The following HSD17B12 variants were observed in gnomAD, a reference collection of about 807,000 sequenced individuals.
HSD17B12 encodes hydroxysteroid 17-beta dehydrogenase 12, also known as very-long-chain 3-oxoacyl-CoA reductase.
Under a neutral mutation model 39.3 loss-of-function variants are expected in HSD17B12, and 32 were observed. The ratio of observed to expected loss-of-function variants is 0.81; its 90% CI spans 0.61 to 1.09. HSD17B12 has a LOEUF of 1.09. Ranked by LOEUF, HSD17B12 falls within the 50% of genes least tolerant of loss-of-function variation. HSD17B12 has a pLI of 0.00. For synonymous variants in HSD17B12, 150 were observed against 146.7 expected, an observed-to-expected ratio of 1.02 and a Z score of -0.16; for missense variants, 342 against 382.9, an observed-to-expected ratio of 0.89 and a Z score of 0.89.
intron 1 of HSD17B12, among the ~76,000 whole-genome samples, chr11:43,685,049 GA>G (rs1177985351): frequency 1.2e-4 from 19 of 152,100 alleles, no homozygotes; most frequent in Non-Finnish European, 2.2e-4. Context: ...TTGTATTGCT[GA>G]ATAATATTCT....
the HSD17B12 span, among the ~76,000 whole-genome samples, chr11:43,649,850 A>T: frequency 1.6e-4 from 24 of 152,232 alleles, no homozygotes; most frequent in Non-Finnish European, 3.4e-4. Context: ...TTAGAAATGT[A>T]ATCACCCTGA....
At chr11:43,761,952 A>T (rs1565078616) in intron 3 of HSD17B12, among the ~76,000 whole-genome samples, 1 of 152,194 alleles carries the variant, frequency 6.6e-6, no homozygotes, top group Non-Finnish European at 1.5e-5. Context: ...AGGGAGTGGC[A>T]TGGTAACTTT....
chr11:43,565,894 A>T, the HSD17B12 span, among the ~76,000 whole-genome samples: 1 of 152,240 alleles, frequency 6.6e-6, no homozygotes, highest in African/African-American at 2.4e-5. Context: ...TGCTTCTTCC[A>T]TCGGTCCTGA....
intron 1 of HSD17B12, among the ~76,000 whole-genome samples, chr11:43,742,884 T>C (rs1359972844): frequency 6.6e-6 from 1 of 152,180 alleles, no homozygotes; most frequent in Non-Finnish European, 1.5e-5. Flanking sequence ...TTGAGAAGTA[T>C]GAGAAAATGG....
Position 43,734,892 on chromosome 11 carries a change from C to T in HSD17B12, c.161-16019C>T, listed in dbSNP as rs147762475. ...CTAGTTTCAAGGTATTTCTACCACC[C>T]CAAAAGGAAACACCATACCCACTAA... On this transcript the variant is annotated intron_variant, in intron 1 of 10. Transcript: ENST00000278353. 1.7e-3 allele frequency among the ~76,000 whole-genome samples: 257 copies of T among 152,276 alleles called. 1 individual carries two copies. Among genetic ancestry groups the T allele is most frequent in the Middle Eastern group, 6.8e-3 (2 of 294 alleles).
chr11:43,771,853 C>G (rs1950653739), intron 3 of HSD17B12, among the ~76,000 whole-genome samples: 1 of 152,112 alleles, frequency 6.6e-6, no homozygotes, highest in Non-Finnish European at 1.5e-5. Flanking sequence ...GTACATTTCT[C>G]AAGATCATAT....
chr11:43,798,543 C>T, intron 4 of HSD17B12, 116 bp downstream of exon 4: 1 of 620,700 alleles, frequency 1.6e-6, no homozygotes, highest in Non-Finnish European at 2.8e-6. Flanking sequence ...TTACGTAAGA[C>T]ATTATCAGTG....
intron 4 of HSD17B12, among the ~76,000 whole-genome samples, chr11:43,799,911 A>C (rs1169684464): frequency 6.6e-6 from 1 of 152,082 alleles, no homozygotes; most frequent in Non-Finnish European, 1.5e-5. Flanking sequence ...ATCACACATC[A>C]CCATGCCCCA....
chr11:43,849,261 C>T lies in HSD17B12; in HGVS notation c.685-5454C>T, dbSNP rs1186948580. 3.9e-5 allele frequency among the ~76,000 whole-genome samples: 6 copies of T among 152,238 alleles called. No individual in the cohort carries two copies. In the East Asian group the frequency reaches 5.8e-4, roughly 15 times the overall value. On this transcript the variant is annotated intron_variant, in intron 9 of 10. Coordinates refer to ENST00000278353, the MANE Select transcript of HSD17B12 (RefSeq NM_016142.3). ...TGGAGGTTGCAGTGAGCTGAGATCG[C>T]ACCACTGCACTCCAGCCTGGGTGAC...
chr11:43,648,658 T>C, the HSD17B12 span, among the ~76,000 whole-genome samples: 1 of 152,238 alleles, frequency 6.6e-6, no homozygotes, highest in Non-Finnish European at 1.5e-5. Context: ...AAAAATTTTT[T>C]TTATTTAGTA....
In HSD17B12 at chr11:43,824,263, G is replaced by C. The variant is rs118162759; in HGVS notation, c.502-6713G>C. Among the ~76,000 whole-genome samples, 591 of 152,172 alleles carry C rather than the reference G, an allele frequency of 3.9e-3. 6 individuals are homozygous for C. The East Asian group carries it at 0.044, about 11-fold the overall frequency. ...CTGACCTTTCAGGCACTTGAGTTTG[G>C]GTTCTTCTGTTCCAGGTGACTCCAA... On this transcript the variant is annotated intron_variant, in intron 6 of 10. Transcript: ENST00000278353.
chr11:43,631,211 T>G, the HSD17B12 span, among the ~76,000 whole-genome samples: 2 of 152,316 alleles, frequency 1.3e-5, no homozygotes, highest in South Asian at 2.1e-4. Context: ...GTTGGTGCAT[T>G]CAGAAAACAG....
the HSD17B12 span, among the ~76,000 whole-genome samples, chr11:43,560,655 C>A: frequency 6.6e-6 from 1 of 152,244 alleles, no homozygotes; most frequent in East Asian, 1.9e-4. Flanking sequence ...GGGACAGGAA[C>A]GATGGATGGG....
intron 3 of HSD17B12, among the ~76,000 whole-genome samples, chr11:43,775,834 C>A (rs1444326258): frequency 6.7e-6 from 1 of 150,096 alleles, no homozygotes; most frequent in Non-Finnish European, 1.5e-5. Flanking sequence ...GTTCAATTCC[C>A]ACCTATGAGT....
chr11:43,715,654 A>C (rs970302342), intron 1 of HSD17B12, among the ~76,000 whole-genome samples: 8 of 152,058 alleles, frequency 5.3e-5, no homozygotes, highest in Non-Finnish European at 1.0e-4. Context: ...TGAGTTAGGG[A>C]GGATTTCCTC....
intron 3 of HSD17B12, among the ~76,000 whole-genome samples, chr11:43,793,670 T>C (rs1161376741): frequency 4.6e-5 from 7 of 152,200 alleles, no homozygotes; most frequent in Non-Finnish European, 7.3e-5. Flanking sequence ...GTTTTAATAT[T>C]GAGAGGTGTT....
chr11:43,658,205 G>C, the HSD17B12 span, among the ~76,000 whole-genome samples: 93 of 152,192 alleles, frequency 6.1e-4, no homozygotes, highest in African/African-American at 2.2e-3. Context: ...TGAGGCTTGT[G>C]CGTTCGTCAT....
chr11:43,564,576 G>A, the HSD17B12 span, among the ~76,000 whole-genome samples: 18 of 152,170 alleles, frequency 1.2e-4, no homozygotes, highest in African/African-American at 3.6e-4. Context: ...GGTCACTGCT[G>A]AGGGGTTGAT....
chr11:43,648,704 G>A, the HSD17B12 span, among the ~76,000 whole-genome samples: 4 of 151,996 alleles, frequency 2.6e-5, no homozygotes, highest in African/African-American at 9.6e-5. Flanking sequence ...AGAAATAAAT[G>A]TATGTGTCTG....
Sources: allele counts gnomAD v4.1 joint callset (sites outside exome capture counted in the v4.1 genomes callset), GRCh38; gene constraint gnomAD v4.1.1; transcripts MANE v1.5; gene names NCBI Gene and HGNC (gene_info 2026-07-23, HGNC 2026-07-21).